The following IQSEC1 variants were observed in gnomAD, a reference collection of about 807,000 sequenced individuals.
IQSEC1 encodes the protein IQ motif and Sec7 domain ArfGEF 1.
IQSEC1 carries 31 observed loss-of-function variants against 91.0 expected under a neutral mutation model. That is an observed-to-expected ratio of 0.34 (90% CI 0.26 to 0.46). The LOEUF (loss-of-function observed/expected upper bound fraction) is 0.46, where lower values mean the gene tolerates loss of function less well. IQSEC1 is among the 20% of genes least tolerant of loss of function. IQSEC1 has a pLI of 1.00. For synonymous variants in IQSEC1, 699 were observed against 662.6 expected (o/e 1.05, Z -0.84); for missense variants, 1,388 against 1,575.6 (o/e 0.88, Z 2.02).
intron 1 of IQSEC1, among the ~76,000 whole-genome samples, chr3:13,004,303 T>C (rs1702542550): frequency 6.6e-6 from 1 of 152,190 alleles, no homozygotes; most frequent in South Asian, 2.1e-4. Context: ...ACCCAACAAA[T>C]ATTTCCTGGG....
chr3:13,026,359 A>T (rs1703612704), intron 1 of IQSEC1, among the ~76,000 whole-genome samples: 3 of 152,206 alleles, frequency 2.0e-5, no homozygotes, highest in Admixed American at 6.5e-5. Context: ...CCACACTGCA[A>T]GGGAGCTTGT....
At chr3:13,269,339 G>A (rs1695554047) in intron 1 of IQSEC1, among the ~76,000 whole-genome samples, 1 of 152,248 alleles carries the variant, frequency 6.6e-6, no homozygotes, top group African/African-American at 2.4e-5. Context: ...TCGCACTGCA[G>A]GGATGATTTT....
intron 1 of IQSEC1, among the ~76,000 whole-genome samples, chr3:12,954,997 G>T (rs1319521803): frequency 1.3e-5 from 2 of 152,214 alleles, no homozygotes; most frequent in Non-Finnish European, 2.9e-5. Flanking sequence ...ACAGGTGGGG[G>T]CACCGAAGCC....
chr3:12,941,715 C>A lies in IQSEC1; in HGVS notation c.174G>T (p.Pro58=), dbSNP rs372674922. ...SVGAYGLYSG[P]PGQQQRTRRP... ...TCCGCGTGCGCTGCTGTTGCCCCGG[C>A]GGCCCCGAGTACAGCCCATAGGCTC... Residue 58 remains proline, a synonymous_variant, in exon 2 of 14, where the codon CCG becomes CCT. Transcript: ENST00000613206. 2.7e-4 allele frequency: 443 copies of A among 1,612,556 alleles called. 8 individuals are homozygous for A. In the South Asian group the frequency reaches 4.6e-3, roughly 17 times the overall value.
intron 2 of IQSEC1, among the ~76,000 whole-genome samples, chr3:13,130,538 C>T (rs754277513): frequency 4.6e-5 from 7 of 152,056 alleles, no homozygotes; most frequent in Admixed American, 1.3e-4. Context: ...ATGTATGTTG[C>T]TCTTGTTAGG....
intron 2 of IQSEC1, among the ~76,000 whole-genome samples, chr3:13,145,423 C>T (rs1221922130): frequency 1.3e-5 from 2 of 152,306 alleles, no homozygotes; most frequent in East Asian, 3.9e-4. Context: ...GCAGTCGGTA[C>T]TCATGCCAGA....
chr3:13,087,346 A>G (rs1166962373), intron 2 of IQSEC1, among the ~76,000 whole-genome samples: 1 of 152,206 alleles, frequency 6.6e-6, no homozygotes, highest in Non-Finnish European at 1.5e-5. Flanking sequence ...AACTCAGAGA[A>G]CTGCATTGTT....
intron 1 of IQSEC1, among the ~76,000 whole-genome samples, chr3:13,203,663 CAG>C (rs1694287579): frequency 6.6e-6 from 1 of 152,200 alleles, no homozygotes; most frequent in Non-Finnish European, 1.5e-5. Context: ...CACACGCGCA[CAG>C]AGAGGACGTG....
intron 1 of IQSEC1, among the ~76,000 whole-genome samples, chr3:13,252,199 A>C (rs986092697): frequency 2.0e-5 from 3 of 151,990 alleles, no homozygotes; most frequent in African/African-American, 7.3e-5. Flanking sequence ...CGAACTCACC[A>C]ATCCCCCTCC....
chr3:13,250,420 C>CATTT (rs1695174397), intron 1 of IQSEC1, among the ~76,000 whole-genome samples: 1 of 135,578 alleles, frequency 7.4e-6, no homozygotes, highest in African/African-American at 2.7e-5. Context: ...CCCCACTTTC[C>CATTT]TTTTTTTTTT....
At position 12,967,306 on chromosome 3, in the gene IQSEC1, C is replaced by T. The variant is rs962386863; in HGVS notation, c.24-25441G>A. On this transcript the variant is annotated intron_variant, in intron 1 of 13. Coordinates refer to ENST00000613206, the MANE Select transcript of IQSEC1 (RefSeq NM_001134382.3). This position sits in a 1 kb window ranked among gnomAD's most constrained non-coding sequence, Gnocchi z 5.9. ...CCCGGTCCCGACGGTCACCCGCACT[C>T]CCGCACAGGCATCCCCACAGCCTGC... The T allele has an allele frequency of 7.0e-6, 9 of 1,290,168 alleles. No homozygotes were observed. The highest frequency in any genetic ancestry group is 7.4e-6 in the Non-Finnish European group (7 of 943,258). The allele number at this position is 1,290,168 out of a possible 1,614,324, so 79.9% of individuals were successfully genotyped here.
rs569601688 is a variant in IQSEC1 at position 13,263,676 on chromosome 3, C to T, written c.272+19035G>A. Among the ~76,000 whole-genome samples, 9 of 152,240 alleles carry T rather than the reference C, an allele frequency of 5.9e-5. No homozygotes were observed. The South Asian group carries it at 1.2e-3, about 21-fold the overall frequency. The stretch of plus-strand genomic sequence containing the variant: ...CAGGCTGGTCTTGAACTCCTGACCT[C>T]GTGATTGGACCGCCTTGGCCTCTCA... On this transcript the variant is annotated intron_variant, in intron 1 of 15. Coordinates refer to the IQSEC1 transcript ENST00000648114.
intron 1 of IQSEC1, among the ~76,000 whole-genome samples, chr3:13,184,151 C>T (rs1693892591): frequency 6.6e-6 from 1 of 152,150 alleles, no homozygotes; most frequent in Non-Finnish European, 1.5e-5. Flanking sequence ...AGTCACTTCC[C>T]AACTAATGTT....
chr3:13,281,016 C>T (rs1275403940), intron 1 of IQSEC1, among the ~76,000 whole-genome samples: 10 of 152,262 alleles, frequency 6.6e-5, no homozygotes, highest in Admixed American at 6.5e-4. Context: ...CTCTCAGCAT[C>T]CTCCTGTCCC....
At chr3:13,187,190 G>T (rs900172507) in intron 1 of IQSEC1, among the ~76,000 whole-genome samples, 1 of 152,090 alleles carries the variant, frequency 6.6e-6, no homozygotes, top group Non-Finnish European at 1.5e-5. Flanking sequence ...TATGGGTTAG[G>T]CACTATACTA....
At chr3:13,051,908 A>C (rs1250242272) in intron 1 of IQSEC1, among the ~76,000 whole-genome samples, 1 of 152,232 alleles carries the variant, frequency 6.6e-6, no homozygotes, top group African/African-American at 2.4e-5. Flanking sequence ...GGGCTTAAAA[A>C]AAAAAACTGT....
chr3:13,024,472 CCCAT>C (rs143766093), intron 1 of IQSEC1, among the ~76,000 whole-genome samples: 7,596 of 149,810 alleles, frequency 0.051, 200 homozygotes, highest in Middle Eastern at 0.064. Context: ...CATCCATCCA[CCCAT>C]CCATCCATCT....
intron 2 of IQSEC1, among the ~76,000 whole-genome samples, chr3:12,937,040 C>T (rs1028632973): frequency 2.0e-5 from 3 of 152,068 alleles, no homozygotes; most frequent in Non-Finnish European, 4.4e-5. Context: ...TCAGACGATC[C>T]TCCTGCCTCA....
intron 1 of IQSEC1, among the ~76,000 whole-genome samples, chr3:13,202,544 T>C (rs570388240): frequency 6.4e-4 from 98 of 152,224 alleles, no homozygotes; most frequent in Non-Finnish European, 1.2e-3. Context: ...AAATAAATAC[T>C]GTGTGACTGC....
Sources: gnomAD v4.1 joint callset for allele counts (sites outside exome capture counted in the v4.1 genomes callset) on GRCh38, gnomAD v4.1.1 for gene constraint, Gnocchi (gnomAD v3.1) non-coding constraint, MANE v1.5 for transcripts, NCBI Gene and HGNC (gene_info 2026-07-23, HGNC 2026-07-21) for gene names.